MAST4: variants seen among roughly 807,000 people sequenced by gnomAD.
MAST4 encodes the protein microtubule-associated serine/threonine-protein kinase 4.
MAST4 carries 89 observed loss-of-function variants against 162.7 expected under a neutral mutation model. That is an observed-to-expected ratio of 0.55 (90% CI 0.46 to 0.65). The LOEUF is 0.65. MAST4 is among the 30% of genes least tolerant of loss of function. MAST4 has a pLI of 0.00. For missense variants in MAST4, 3,153 were observed against 3,374.0 expected (o/e 0.93, Z 1.62); for synonymous variants, 1,479 against 1,361.1 (o/e 1.09, Z -1.91).
chr5:66,924,066 C>T (rs1425580855), intron 4 of MAST4, among the ~76,000 whole-genome samples: 1 of 152,192 alleles, frequency 6.6e-6, no homozygotes, highest in South Asian at 2.1e-4. Context: ...ACCAAGCCAC[C>T]TTGCTGTTCC....
At chr5:66,682,526 C>T (rs1241591706) in intron 1 of MAST4, among the ~76,000 whole-genome samples, 1 of 152,116 alleles carries the variant, frequency 6.6e-6, no homozygotes, top group Non-Finnish European at 1.5e-5. Context: ...GTGTGCCTAG[C>T]GTTATAACTG....
chr5:66,941,646 A>G (rs898036317), intron 4 of MAST4, among the ~76,000 whole-genome samples: 2 of 152,094 alleles, frequency 1.3e-5, no homozygotes, highest in African/African-American at 2.4e-5. Flanking sequence ...AGCACTTTCA[A>G]TTTCCTTCAA....
At chr5:66,940,131 A>G (rs753742961) in intron 4 of MAST4, among the ~76,000 whole-genome samples, 1 of 152,278 alleles carries the variant, frequency 6.6e-6, no homozygotes, top group Non-Finnish European at 1.5e-5. Flanking sequence ...ACACACACAT[A>G]TCTTAATTTA....
intron 1 of MAST4, among the ~76,000 whole-genome samples, chr5:66,634,648 TA>T (rs2149426023): frequency 6.6e-6 from 1 of 152,276 alleles, no homozygotes; most frequent in South Asian, 2.1e-4. Context: ...AGGGAGCAAA[TA>T]ATCATAATAG....
intron 26 of MAST4, among the ~76,000 whole-genome samples, chr5:67,154,297 T>A (rs1772219525): frequency 6.6e-6 from 1 of 152,224 alleles, no homozygotes; most frequent in African/African-American, 2.4e-5. Context: ...AGCAGCGTTG[T>A]ATTTTATGCA....
chr5:67,071,523 G>T (rs111633104), intron 5 of MAST4, among the ~76,000 whole-genome samples: 36 of 152,246 alleles, frequency 2.4e-4, no homozygotes, highest in African/African-American at 5.3e-4. Context: ...AAGGCCAAGG[G>T]GGGGGCGGGG....
intron 1 of MAST4, among the ~76,000 whole-genome samples, chr5:66,700,897 A>G (rs1749733395): frequency 6.6e-6 from 1 of 151,686 alleles, no homozygotes; most frequent in Non-Finnish European, 1.5e-5. Flanking sequence ...TATAAAATGG[A>G]TTGCTTATGG....
intron 16 of MAST4, among the ~76,000 whole-genome samples, chr5:67,132,428 G>A (rs1381711454): frequency 1.3e-5 from 2 of 151,712 alleles, no homozygotes; most frequent in South Asian, 4.2e-4. Flanking sequence ...TTTTTCAAAT[G>A]GTGCAAATGT....
chr5:66,726,999 C>G (rs527362568), intron 1 of MAST4, among the ~76,000 whole-genome samples: 138 of 151,986 alleles, frequency 9.1e-4, no homozygotes, highest in Non-Finnish European at 1.8e-3. Context: ...GGAGACTGTT[C>G]CAATGGTTCT....
chr5:66,661,958 A>T (rs1459169508), intron 1 of MAST4, among the ~76,000 whole-genome samples: 1 of 152,172 alleles, frequency 6.6e-6, no homozygotes, highest in Non-Finnish European at 1.5e-5. Flanking sequence ...TACTTTTTGG[A>T]TGCAAACCAA....
rs397829231 is a variant in MAST4 at position 66,893,382 on chromosome 5, TTG to T, written c.643-6553_643-6552del. On this transcript the variant is annotated intron_variant, in intron 3 of 28. Transcript: ENST00000403625. ...CACCACGCCCAGCTAATTTTTTTTT[TTG>T]TGTGTGTGTGTGTGTCTTTTTTTTG... 7.3e-3 allele frequency among the ~76,000 whole-genome samples: 1,095 copies of T among 150,108 alleles called. 17 individuals carry two copies. Among genetic ancestry groups the T allele is most frequent in the African/African-American group, 0.025 (1,032 of 40,676 alleles).
In MAST4 at chr5:67,005,017, T is replaced by C. The variant is rs780360045; in HGVS notation, c.675-49387T>C. ...AAATGGATATGTCTGACCCCAATTT[T>C]TGGACTGTGCTCTCAAACTTTACTT... is the stretch of plus-strand genomic sequence containing the variant. On this transcript the variant is annotated intron_variant, in intron 4 of 28. Coordinates refer to ENST00000403625, the MANE Select transcript of MAST4 (RefSeq NM_001164664.2). The C allele has an allele frequency of 2.6e-5, 20 of 774,722 alleles. 1 individual carries two copies. The Admixed American group carries it at 3.4e-4, about 13-fold the overall frequency. 48.0% of individuals were successfully genotyped at this position (774,722 alleles called of 1,614,324 possible).
chr5:66,645,282 C>G (rs1478292128), intron 1 of MAST4, among the ~76,000 whole-genome samples: 3 of 152,298 alleles, frequency 2.0e-5, no homozygotes, highest in African/African-American at 7.2e-5. Flanking sequence ...ATCTAAGTTT[C>G]TGTTACTCTG....
At chr5:66,853,847 T>C (rs1759484317) in intron 3 of MAST4, among the ~76,000 whole-genome samples, 1 of 152,174 alleles carries the variant, frequency 6.6e-6, no homozygotes, top group African/African-American at 2.4e-5. Context: ...AACCTTTAAG[T>C]ATCTTGCATC....
intron 1 of MAST4, among the ~76,000 whole-genome samples, chr5:66,679,202 A>G (rs1236332084): frequency 6.6e-6 from 1 of 152,236 alleles, no homozygotes; most frequent in East Asian, 1.9e-4. Context: ...GCCTGGAGGC[A>G]GAGGGGATAT....
Position 67,164,237 on chromosome 5 carries a change from C to T in MAST4, c.5058C>T (p.Ile1686=), listed in dbSNP as rs779419097. 2 of 1,613,746 alleles carry T rather than the reference C, an allele frequency of 1.2e-6. No homozygotes were observed. Among genetic ancestry groups the T allele is most frequent in the East Asian group, 2.2e-5 (1 of 44,876 alleles). The change falls in exon 29 of 29, where the codon ATC becomes ATT. Residue 1686 remains isoleucine (I), a synonymous_variant. Transcript: ENST00000403625. The surrounding 1 kb of genome is among the most constrained non-coding windows in gnomAD (Gnocchi z 5.3). ...AGTTAGACAGCAAGCTGGCCAACAT[C>T]GATTACCTCCGAAAGAAAATGTCAC... The part of the protein sequence containing the change: ...CEKLDSKLAN[I]DYLRKKMSLE...
chr5:66,999,605 A>G (rs775875405), intron 4 of MAST4, among the ~76,000 whole-genome samples: 26 of 152,186 alleles, frequency 1.7e-4, no homozygotes, highest in Non-Finnish European at 3.8e-4. Context: ...TTCAGACTGT[A>G]TCCTTTACAC....
At chr5:67,024,354 T>TCAC (rs1754366643) in intron 4 of MAST4, among the ~76,000 whole-genome samples, 2 of 141,068 alleles carry the variant, frequency 1.4e-5, no homozygotes, top group African/African-American at 5.7e-5. Flanking sequence ...CACACACACA[T>TCAC]ACATATAGAT....
At chr5:66,666,407 A>G (rs1747260266) in intron 1 of MAST4, among the ~76,000 whole-genome samples, 1 of 152,160 alleles carries the variant, frequency 6.6e-6, no homozygotes, top group South Asian at 2.1e-4. Flanking sequence ...ATTCTCTTTC[A>G]TGGAACTTGT....
Sources: gnomAD v4.1 joint callset for allele counts (sites outside exome capture counted in the v4.1 genomes callset) on GRCh38, gnomAD v4.1.1 for gene constraint, Gnocchi (gnomAD v3.1) non-coding constraint, MANE v1.5 for transcripts, NCBI Gene and HGNC (gene_info 2026-07-23, HGNC 2026-07-21) for gene names.